Variants in ANK1 observed in about 807,000 individuals in gnomAD.
ANK1 encodes the protein ankyrin-1.
Under a neutral mutation model 210.4 loss-of-function variants are expected in ANK1, and 51 were observed. That is an observed-to-expected ratio of 0.24 (90% confidence interval 0.19 to 0.31). The LOEUF (loss-of-function observed/expected upper bound fraction) is 0.31, where lower values mean the gene tolerates loss of function less well. Among genes scored for constraint, ANK1 ranks in the 10% least tolerant of loss-of-function variants. The probability of loss-of-function intolerance (pLI) is 1.00; values close to 1 mark genes in which losing one functional copy is unlikely to be tolerated. For missense variants in ANK1, 2,051 were observed against 2,504.4 expected, an observed-to-expected ratio of 0.82 and a Z score of 3.86; for synonymous variants, 967 against 1,025.9, an observed-to-expected ratio of 0.94 and a Z score of 1.10.
rs372152994 is a variant in ANK1, at chr8:41,728,017, T to C, written c.229-11A>G. 110 of 1,613,130 alleles carry C rather than the reference T, an allele frequency of 6.8e-5. No homozygotes were observed. The African/African-American group carries it at 1.1e-3, about 17-fold the overall frequency. Reference sequence around the variant, plus strand: ...GGCCGTGTTCCCCTTCTGAAACACATGGGGGAAGGGAACAGAGGCGGTTTC... The same window carrying C: ...GGCCGTGTTCCCCTTCTGAAACACACGGGGGAAGGGAACAGAGGCGGTTTC... On this transcript the variant is annotated splice_polypyrimidine_tract_variant and intron_variant, in intron 3 of 42. Transcript: ENST00000289734.
intron 1 of ANK1, among the ~76,000 whole-genome samples, chr8:41,839,163 T>G (rs1389474307): frequency 6.6e-6 from 1 of 152,360 alleles, no homozygotes; most frequent in Non-Finnish European, 1.5e-5. Context: ...GAAATTCACC[T>G]GTCTCCTCCA....
intron 1 of ANK1, among the ~76,000 whole-genome samples, chr8:41,803,103 G>GGAAAC: frequency 8.0e-6 from 1 of 125,438 alleles, no homozygotes; most frequent in Non-Finnish European, 1.7e-5. Context: ...GGAAAGGAAA[G>GGAAAC]GAAAGGAAAG....
At chr8:41,735,609 C>T (rs1296918563) in intron 2 of ANK1, among the ~76,000 whole-genome samples, 3 of 152,118 alleles carry the variant, frequency 2.0e-5, no homozygotes, top group Non-Finnish European at 2.9e-5. Context: ...CCCTGCGTTC[C>T]TCGAATTCCA....
At chr8:41,826,246 C>G (rs986303224) in intron 1 of ANK1, among the ~76,000 whole-genome samples, 2 of 152,118 alleles carry the variant, frequency 1.3e-5, no homozygotes, top group Admixed American at 6.5e-5. Flanking sequence ...GCTACTCTGG[C>G]CCATTGCTGA....
upstream of ANK1, among the ~76,000 whole-genome samples, chr8:41,800,775 G>C (rs983938293): frequency 1.3e-5 from 2 of 152,154 alleles, no homozygotes; most frequent in African/African-American, 4.8e-5. Flanking sequence ...CACCAGGCTG[G>C]AGTGCAGTGG....
intron 3 of ANK1, among the ~76,000 whole-genome samples, chr8:41,732,704 C>T (rs1334083118): frequency 2.0e-5 from 3 of 151,694 alleles, no homozygotes; most frequent in Admixed American, 6.6e-5. Context: ...TGAGCCACCA[C>T]GTCCAGCCTT....
At chr8:41,768,778 A>G (rs1842399264) in intron 1 of ANK1, among the ~76,000 whole-genome samples, 2 of 147,542 alleles carry the variant, frequency 1.4e-5, no homozygotes, top group African/African-American at 2.5e-5. Context: ...CTTGGGCAAC[A>G]TAGTGAGACC....
rs1017105094 is a variant in ANK1, at chr8:41,653,943, G to C, written c.*1847C>G. ...GCCGCCCCGGGGCCTGCCTGGCCGG[G>C]GGTGCACCGGGGCGGATTTGTGTGG... is the stretch of plus-strand genomic sequence containing the variant. On this transcript the variant is annotated 3_prime_UTR_variant, in exon 43 of 43. Coordinates refer to ENST00000289734, the MANE Select transcript of ANK1 (RefSeq NM_000037.4). 3.3e-5 allele frequency: 5 copies of C among 152,182 alleles called. No individual in the cohort carries two copies. The highest frequency in any genetic ancestry group is 6.5e-5 in the Admixed American group (1 of 15,288). 9.4% of individuals were successfully genotyped at this position (152,182 alleles called of 1,614,324 possible).
intron 3 of ANK1, among the ~76,000 whole-genome samples, chr8:41,728,717 AT>A (rs1831351722): frequency 6.6e-6 from 1 of 152,192 alleles, no homozygotes; most frequent in Non-Finnish European, 1.5e-5. Context: ...ATAATTAAAA[AT>A]AAAAAATTTT....
chr8:41,704,202 A>G lies in ANK1; in HGVS notation c.2197-63T>C, dbSNP rs878948517. ...CCACTAGACAGAGACCTGCCTACACATGATAGTGCCTGCCCATCTTCGAAG... is the reference window on the plus strand; with the variant it reads ...CCACTAGACAGAGACCTGCCTACACGTGATAGTGCCTGCCCATCTTCGAAG... On this transcript the variant is annotated intron_variant, in intron 19 of 42. Transcript: ENST00000289734. This position sits in a 1 kb window ranked among gnomAD's most constrained non-coding sequence, Gnocchi z 4.1. 2 of 1,453,956 alleles carry G rather than the reference A, an allele frequency of 1.4e-6. No homozygotes were observed. Among genetic ancestry groups the G allele is most frequent in the South Asian group, 1.1e-5 (1 of 87,778 alleles). The allele number at this position is 1,453,956 out of a possible 1,614,324, so 90.1% of individuals were successfully genotyped here. A position where few individuals can be genotyped will look rare whatever the true frequency, so the allele number is the denominator to read the frequency against.
chr8:41,713,924 G>A (rs1225638930), intron 16 of ANK1, among the ~76,000 whole-genome samples: 7 of 152,172 alleles, frequency 4.6e-5, no homozygotes, highest in Non-Finnish European at 4.4e-5. Flanking sequence ...CCGCCTCTGC[G>A]AGGTAACCCC....
At chr8:41,674,501 C>A (rs202189975) in intron 37 of ANK1, among the ~76,000 whole-genome samples, 1 of 152,358 alleles carries the variant, frequency 6.6e-6, no homozygotes, top group East Asian at 1.9e-4. Context: ...CTCGCCCCAC[C>A]CTTTCCTACA....
rs529208403 is a variant in ANK1, at chr8:41,727,588, T to C, written c.328-240A>G. Among the ~76,000 whole-genome samples, 4 of 152,324 alleles carry C rather than the reference T, an allele frequency of 2.6e-5. No individual in the cohort carries two copies. The East Asian group carries it at 5.8e-4, about 22-fold the overall frequency. On this transcript the variant is annotated intron_variant, in intron 4 of 42. Coordinates refer to ENST00000289734, the MANE Select transcript of ANK1 (RefSeq NM_000037.4). ...GTCTCTTCAGCTCACATACTCCTCATTGATTTCATCAATGCTGCACTGCAC... is the reference window on the plus strand; with the variant it reads ...GTCTCTTCAGCTCACATACTCCTCACTGATTTCATCAATGCTGCACTGCAC...
intron 1 of ANK1, among the ~76,000 whole-genome samples, chr8:41,803,084 GGAAGGAAAGGAAAGGAAAGGAAAGGA>G: frequency 1.6e-5 from 1 of 62,710 alleles, no homozygotes; most frequent in Admixed American, 1.9e-4. Flanking sequence ...AGGAAGGAAG[GGAAGGAAAGGAAAGGAAAGGAAAGGA>G]AAGGAAAGGA....
At chr8:41,717,732 G>C (rs563501469) in intron 11 of ANK1, 30 bp from the exon 12 acceptor site, 1 of 1,515,614 alleles carries the variant, frequency 6.6e-7, no homozygotes, top group South Asian at 1.2e-5. Context: ...AGTCCGATAA[G>C]TGGGAGTCTT....
chr8:41,827,630 A>C (rs1158682397), intron 1 of ANK1, among the ~76,000 whole-genome samples: 1 of 152,134 alleles, frequency 6.6e-6, no homozygotes, highest in Non-Finnish European at 1.5e-5. Flanking sequence ...TTCTTCACAC[A>C]CATACACACA....
intron 1 of ANK1, among the ~76,000 whole-genome samples, chr8:41,881,811 A>C (rs1392985775): frequency 6.6e-6 from 1 of 152,004 alleles, no homozygotes; most frequent in African/African-American, 2.4e-5. Flanking sequence ...CCTGTAAAAC[A>C]CCGTTCCCAC....
chr8:41,680,990 G>A (rs1054120737), intron 37 of ANK1, among the ~76,000 whole-genome samples: 1 of 152,202 alleles, frequency 6.6e-6, no homozygotes, highest in South Asian at 2.1e-4. Context: ...GGAGAAGTCA[G>A]GTAAAAGGCA....
chr8:41,725,553 CA>C (rs1254942040), intron 6 of ANK1, among the ~76,000 whole-genome samples: 2 of 152,242 alleles, frequency 1.3e-5, no homozygotes, highest in African/African-American at 4.8e-5. Context: ...CCCCGCTGCT[CA>C]CCAAGAGCAC....
Sources: allele counts gnomAD v4.1 joint callset (sites outside exome capture counted in the v4.1 genomes callset), GRCh38; gene constraint gnomAD v4.1.1; non-coding constraint Gnocchi (gnomAD v3.1); transcripts MANE v1.5; gene names NCBI Gene and HGNC (gene_info 2026-07-23, HGNC 2026-07-21).